The following BFSP2 variants were observed in gnomAD, a reference collection of about 807,000 sequenced individuals.
BFSP2 encodes phakinin.
BFSP2 carries 38 observed loss-of-function variants against 44.9 expected under a neutral mutation model. That is an observed-to-expected ratio of 0.85 (90% CI 0.65 to 1.11). The LOEUF (loss-of-function observed/expected upper bound fraction) is 1.11, where lower values mean the gene tolerates loss of function less well. BFSP2 is among the 50% of genes least tolerant of loss of function. The probability of loss-of-function intolerance (pLI) is 0.00; values close to 1 mark genes in which losing one functional copy is unlikely to be tolerated. For synonymous variants in BFSP2, 197 were observed against 209.9 expected (o/e 0.94, Z 0.53); for missense variants, 525 against 533.0 (o/e 0.99, Z 0.15).
chr3:133,437,269 A>T (rs1346011534), intron 1 of BFSP2, among the ~76,000 whole-genome samples: 1 of 152,196 alleles, frequency 6.6e-6, no homozygotes, highest in East Asian at 1.9e-4. Context: ...TCACACCTGT[A>T]ATCCCAGCAC....
chr3:133,421,489 G>A (rs1576566836), intron 1 of BFSP2, among the ~76,000 whole-genome samples: 1 of 152,306 alleles, frequency 6.6e-6, no homozygotes, highest in South Asian at 2.1e-4. Flanking sequence ...CCATATGTCT[G>A]TGTCCAAATT....
At chr3:133,453,602 A>G (rs1961940) in intron 4 of BFSP2, among the ~76,000 whole-genome samples, 44,783 of 152,084 alleles carry the variant, frequency 0.29, 7,043 homozygotes, top group African/African-American at 0.41. Context: ...GGTATAGACT[A>G]CAGGAGAGGG....
chr3:133,406,753 G>A (rs16840382), intron 1 of BFSP2, among the ~76,000 whole-genome samples: 23,770 of 152,178 alleles, frequency 0.16, 1,944 homozygotes, highest in South Asian at 0.19. Flanking sequence ...GTTAGAGGCA[G>A]TAGTCAATAT....
At chr3:133,405,340 A>G (rs1312156304) in intron 1 of BFSP2, among the ~76,000 whole-genome samples, 2 of 152,234 alleles carry the variant, frequency 1.3e-5, no homozygotes, top group Admixed American at 1.3e-4. Context: ...GCAAAGGATT[A>G]GAGTTTAAAA....
chr3:133,408,051 T>C (rs920354736), intron 1 of BFSP2, among the ~76,000 whole-genome samples: 3 of 152,096 alleles, frequency 2.0e-5, no homozygotes, highest in Non-Finnish European at 4.4e-5. Flanking sequence ...AAATGTTGCA[T>C]TTCAAAATAT....
intron 4 of BFSP2, among the ~76,000 whole-genome samples, chr3:133,453,838 A>G (rs984360899): frequency 6.6e-6 from 1 of 152,238 alleles, no homozygotes; most frequent in Non-Finnish European, 1.5e-5. Context: ...TTCAGTCATT[A>G]AAAGCTTAAT....
intron 1 of BFSP2, among the ~76,000 whole-genome samples, chr3:133,425,335 T>C (rs2073633468): frequency 2.0e-5 from 3 of 152,302 alleles, no homozygotes; most frequent in Admixed American, 2.0e-4. Flanking sequence ...CCAAGCACTG[T>C]GCTGGGCACG....
chr3:133,432,858 A>G (rs1394266933), intron 1 of BFSP2, among the ~76,000 whole-genome samples: 1 of 152,216 alleles, frequency 6.6e-6, no homozygotes, highest in East Asian at 1.9e-4. Context: ...CACAAGAGCC[A>G]GGACCACATC....
intron 1 of BFSP2, among the ~76,000 whole-genome samples, chr3:133,402,773 TG>T (rs1380549640): frequency 7.2e-5 from 11 of 151,862 alleles, no homozygotes; most frequent in African/African-American, 2.4e-4. Context: ...CCTGAGTAGC[TG>T]GGATTACAGG....
At chr3:133,416,535 A>C (rs561600914) in intron 1 of BFSP2, among the ~76,000 whole-genome samples, 7 of 104,052 alleles carry the variant, frequency 6.7e-5, no homozygotes, top group Admixed American at 1.1e-4. Flanking sequence ...TCTCCCCTCT[A>C]CTCATCCCTC....
At chr3:133,460,007 G>A in intron 4 of BFSP2, among the ~76,000 whole-genome samples, 1 of 152,126 alleles carries the variant, frequency 6.6e-6, no homozygotes, top group East Asian at 1.9e-4. Context: ...AGGGGCAGAG[G>A]GGTGAGTAAG....
chr3:133,442,276 C>T (rs2073852928), intron 1 of BFSP2, among the ~76,000 whole-genome samples: 1 of 152,116 alleles, frequency 6.6e-6, no homozygotes, highest in Admixed American at 6.6e-5. Flanking sequence ...AGTAGCTGGA[C>T]TGTGGGTGCA....
At chr3:133,413,832 C>T (rs1023916400) in intron 1 of BFSP2, among the ~76,000 whole-genome samples, 3 of 151,976 alleles carry the variant, frequency 2.0e-5, no homozygotes, top group African/African-American at 4.8e-5. Flanking sequence ...ATGTTTATTG[C>T]AGGACCAACG....
intron 4 of BFSP2, among the ~76,000 whole-genome samples, chr3:133,458,132 C>T (rs934857038): frequency 6.6e-6 from 1 of 152,192 alleles, no homozygotes; most frequent in African/African-American, 2.4e-5. Flanking sequence ...TCCATTTCCC[C>T]ATATCTTCAC....
intron 5 of BFSP2, among the ~76,000 whole-genome samples, chr3:133,471,331 AAG>A (rs2074159655): frequency 6.6e-6 from 1 of 152,200 alleles, no homozygotes; most frequent in Non-Finnish European, 1.5e-5. Context: ...AAAACTTCTC[AAG>A]AGATACAAGA....
At chr3:133,469,955 C>T (rs111703080) in intron 5 of BFSP2, among the ~76,000 whole-genome samples, 8 of 152,288 alleles carry the variant, frequency 5.3e-5, no homozygotes, top group African/African-American at 1.7e-4. Context: ...TTCTGTGAAG[C>T]GTGTTCCCAA....
At chr3:133,438,068 A>G (rs962455954) in intron 1 of BFSP2, among the ~76,000 whole-genome samples, 1 of 152,262 alleles carries the variant, frequency 6.6e-6, no homozygotes. Flanking sequence ...TAGTTGATAC[A>G]AGAAATAGAG....
At chr3:133,421,418 G>A (rs1231280914) in intron 1 of BFSP2, among the ~76,000 whole-genome samples, 1 of 152,216 alleles carries the variant, frequency 6.6e-6, no homozygotes, top group Non-Finnish European at 1.5e-5. Flanking sequence ...TGGTGATGGC[G>A]GGCAATCCTT....
At chr3:133,416,484 C>T (rs950439819) in intron 1 of BFSP2, among the ~76,000 whole-genome samples, 7 of 146,344 alleles carry the variant, frequency 4.8e-5, no homozygotes, top group African/African-American at 1.8e-4. Context: ...CACCACTCTA[C>T]TCATCCCTGT....
Sources: gnomAD v4.1 joint callset for allele counts (sites outside exome capture counted in the v4.1 genomes callset) on GRCh38, gnomAD v4.1.1 for gene constraint, MANE v1.5 for transcripts, NCBI Gene and HGNC (gene_info 2026-07-23, HGNC 2026-07-21) for gene names.